TDRKH: variants seen among roughly 807,000 people sequenced by gnomAD.
TDRKH encodes the protein tudor and KH domain-containing protein.
TDRKH carries 28 observed loss-of-function variants against 61.3 expected under a neutral mutation model. That is an observed-to-expected ratio of 0.46 (90% CI 0.34 to 0.63). The LOEUF is 0.63. Ranked by LOEUF, TDRKH falls within the 20% of genes least tolerant of loss-of-function variation. The probability of loss-of-function intolerance (pLI) is 0.01; values close to 1 mark genes in which losing one functional copy is unlikely to be tolerated. For synonymous variants in TDRKH, 219 were observed against 244.4 expected (o/e 0.90, Z 0.97); for missense variants, 540 against 683.4 (o/e 0.79, Z 2.34).
intron 9 of TDRKH, 21 bp downstream of exon 9, chr1:151,775,799 T>C: frequency 6.2e-7 from 1 of 1,611,850 alleles, no homozygotes; most frequent in Non-Finnish European, 8.5e-7. Context: ...GTAAGCTCAA[T>C]AGATGGCATG....
Position 151,774,188 on chromosome 1 carries a change from T to G in TDRKH, c.*264A>C. On this transcript the variant is annotated 3_prime_UTR_variant, in exon 13 of 13. Transcript: ENST00000368824. ...GAAGGACTGCATGGATCCTTTATCATACACTCCTCTCCTCCATGCACCAAT... is the reference window on the plus strand; with the variant it reads ...GAAGGACTGCATGGATCCTTTATCAGACACTCCTCTCCTCCATGCACCAAT... 1 of 489,466 alleles carries G rather than the reference T, an allele frequency of 2.0e-6. No individual in the cohort carries two copies. The allele number at this position is 489,466 out of a possible 1,614,324, so 30.3% of individuals were successfully genotyped here. A position where few individuals can be genotyped will look rare whatever the true frequency, so the allele number is the denominator to read the frequency against.
rs759060949 is a variant in TDRKH, at chr1:151,776,569, T to A, written c.914A>T (p.Asp305Val). ...AGAAACGTAGACTTCTAGGTACTCA[T>A]CAGCATGAAAACTGAAGTCAGGACT... ...IPSPDFSFHA[D>V]EYLEVYVSAS... The change falls in exon 7 of 13, where the codon GAT (aspartate) becomes GTT (valine). Residue 305 changes from aspartate (D) to valine (V), a missense_variant. Asp to Val is a radical substitution (Grantham distance 152, BLOSUM62 -3). Transcript: ENST00000368824. 1 of 1,614,082 alleles carries A rather than the reference T, an allele frequency of 6.2e-7. No individual in the cohort carries two copies. Among genetic ancestry groups the A allele is most frequent in the Admixed American group, 1.7e-5 (1 of 60,010 alleles).
At chr1:151,775,678 T>G in intron 9 of TDRKH, 135 bp from the exon 10 acceptor site, 2 of 1,488,900 alleles carry the variant, frequency 1.3e-6, no homozygotes, top group Non-Finnish European at 1.8e-6. Flanking sequence ...GGCAAGTTTC[T>G]GGCTGCTGCT....
intron 1 of TDRKH, 35 bp from the exon 2 acceptor site, chr1:151,783,084 T>TC: frequency 6.3e-7 from 1 of 1,580,496 alleles, no homozygotes; most frequent in African/African-American, 1.4e-5. Context: ...GAGGGAGGTT[T>TC]CATCCAATCC....
At chr1:151,777,578 T>C (rs1414536263) in intron 6 of TDRKH, among the ~76,000 whole-genome samples, 1 of 152,180 alleles carries the variant, frequency 6.6e-6, no homozygotes, top group Non-Finnish European at 1.5e-5. Flanking sequence ...ATATTTATGT[T>C]TAGTATTAAT....
chr1:151,787,468 C>T (rs1268496842), intron 1 of TDRKH, among the ~76,000 whole-genome samples: 4 of 152,100 alleles, frequency 2.6e-5, no homozygotes, highest in Admixed American at 6.5e-5. Context: ...CCGCCCACCT[C>T]GGCCTCCCAA....
intron 8 of TDRKH, 83 bp from the exon 9 acceptor site, chr1:151,775,967 A>G: frequency 6.3e-7 from 1 of 1,578,872 alleles, no homozygotes. Flanking sequence ...ACCAACTAAC[A>G]TGAGACGATA....
At position 151,775,494 on chromosome 1, in the gene TDRKH, A is replaced by T. The variant is rs11204885; in HGVS notation, c.1332T>A (p.His444Gln). ...CTACCAGAGGCTTCCAGTCAGCACA[A>T]TGAGTGAGTCTATCAAACTCATCCA... ...EALDEFDRLT[H>Q]CADWKPLVAK... is the part of the protein sequence containing the mutation. Residue 444 changes from histidine to glutamine, a missense_variant, in exon 10 of 13, where the codon CAT becomes CAA. His to Gln is a conservative substitution (Grantham distance 24). Around this residue, in one of 3 missense-constraint regions of TDRKH, gnomAD observed 379 missense variants for 443.8 expected, o/e 0.85. Coordinates refer to ENST00000368824, the MANE Select transcript of TDRKH (RefSeq NM_001083965.2). 6.2e-7 allele frequency: 1 copy of T among 1,613,658 alleles called. No homozygotes were observed. The highest frequency in any genetic ancestry group is 2.2e-5 in the East Asian group (1 of 44,868).
downstream of TDRKH, among the ~76,000 whole-genome samples, chr1:151,770,806 CTCATT>C (rs1320411029): frequency 6.6e-6 from 1 of 152,184 alleles, no homozygotes; most frequent in Non-Finnish European, 1.5e-5. Context: ...TCATGAACAT[CTCATT>C]TCATCTTAAA....
chr1:151,776,626 C>T, intron 6 of TDRKH, 27 bp from the exon 7 acceptor site: 1 of 1,608,276 alleles, frequency 6.2e-7, no homozygotes, highest in Non-Finnish European at 8.5e-7. Flanking sequence ...GGATGGTGGC[C>T]ACATCAGACC....
At chr1:151,769,724 G>A (rs1648565827), downstream of TDRKH, among the ~76,000 whole-genome samples, 2 of 152,170 alleles carry the variant, frequency 1.3e-5, no homozygotes, top group Non-Finnish European at 2.9e-5. Context: ...CAAGGCAGGC[G>A]GCTGGGAGGT....
chr1:151,776,107 G>C lies in TDRKH; in HGVS notation c.1206C>G (p.Leu402=), dbSNP rs1275333594. The C allele has an allele frequency of 1.9e-6, 3 of 1,613,410 alleles. No individual in the cohort carries two copies. The East Asian group carries it at 6.7e-5, about 36-fold the overall frequency. Residue 402 remains leucine, a synonymous_variant, in exon 8 of 13, where the codon CTC becomes CTG. Coordinates refer to ENST00000368824, the MANE Select transcript of TDRKH (RefSeq NM_001083965.2). ...ACCTCAGCACTGACCTGAGAGCCCT[G>C]AGGTCCTTCAGTGGGCAATCTCCAT... ...GDNGDCPLKD[L]RALRSDFLSL...
chr1:151,769,787 T>C (rs1409587848), downstream of TDRKH, among the ~76,000 whole-genome samples: 1 of 152,184 alleles, frequency 6.6e-6, no homozygotes, highest in Admixed American at 6.5e-5. Flanking sequence ...TGGGCAACAC[T>C]GAGCACTGAG....
At chr1:151,784,940 T>G (rs578182815) in intron 1 of TDRKH, among the ~76,000 whole-genome samples, 7 of 151,870 alleles carry the variant, frequency 4.6e-5, no homozygotes, top group Admixed American at 1.3e-4. Context: ...TTCGTTTTTT[T>G]TTTTTTTTTT....
In TDRKH at chr1:151,776,341, G is replaced by A. The variant is rs142750798; in HGVS notation, c.1045-73C>T. 772 of 1,593,626 alleles carry A rather than the reference G, an allele frequency of 4.8e-4. 13 individuals carry two copies. The East Asian group carries it at 8.8e-3, about 18-fold the overall frequency. ...CTCATAAACAGAATTGCAGGAGGAA[G>A]AAAGAAAAGTAGTTGCTCCACAGGG... On this transcript the variant is annotated intron_variant, in intron 7 of 12. Coordinates refer to ENST00000368824, the MANE Select transcript of TDRKH (RefSeq NM_001083965.2).
rs1265931909 is a variant in TDRKH, at chr1:151,774,805, G to T, written c.1538C>A (p.Ala513Asp). Residue 513 changes from alanine to aspartate, a missense_variant and splice_region_variant, in exon 12 of 13, where the codon GCC (alanine) becomes GAC (aspartate). Coordinates refer to ENST00000368824, the MANE Select transcript of TDRKH (RefSeq NM_001083965.2). The stretch of plus-strand genomic sequence containing the variant: ...GCTGAGAGAGGCATCTGTTTCTGTG[G>T]CCTGAGTGGATGAAAACAGGAAAAA... ...RAVPDMLKDM[A>D]TETDASLSTL... The T allele has an allele frequency of 1.2e-6, 2 of 1,614,126 alleles. No individual in the cohort carries two copies. Among genetic ancestry groups the T allele is most frequent in the Non-Finnish European group, 1.7e-6 (2 of 1,179,974 alleles).
chr1:151,781,530 T>G lies in TDRKH; in HGVS notation c.182A>C (p.Gln61Pro). 6.2e-7 allele frequency: 1 copy of G among 1,613,578 alleles called. No homozygotes were observed. The highest frequency in any genetic ancestry group is 8.5e-7 in the Non-Finnish European group (1 of 1,179,838). Residue 61 changes from glutamine (Q) to proline (P), a missense_variant, in exon 3 of 13, where the codon CAG becomes CCG. Physicochemically the swap from Gln to Pro is moderately conservative, Grantham distance 76. Coordinates refer to ENST00000368824, the MANE Select transcript of TDRKH (RefSeq NM_001083965.2). Reference sequence around the variant, plus strand: ...GCCAATGATGAGTTTCACAGCCTCCTGGGGAACCCGCATCTCTATCTCAAT... The same window carrying G: ...GCCAATGATGAGTTTCACAGCCTCCGGGGGAACCCGCATCTCTATCTCAAT... ...DDIEIEMRVP[Q>P]EAVKLIIGRQ... is the part of the protein sequence containing the mutation.
intron 2 of TDRKH, among the ~76,000 whole-genome samples, chr1:151,782,425 C>T (rs535759586): frequency 7.3e-5 from 11 of 151,070 alleles, no homozygotes; most frequent in Admixed American, 3.3e-4. Context: ...CCAGTGTGGG[C>T]GACAGAGTGA....
intron 4 of TDRKH, chr1:151,779,719 C>A: frequency 2.1e-6 from 1 of 479,278 alleles, no homozygotes. Flanking sequence ...TATAATACAT[C>A]TACTAGAACC....
Sources: gnomAD v4.1 joint callset for allele counts (sites outside exome capture counted in the v4.1 genomes callset) on GRCh38, gnomAD v4.1.1 for gene constraint, gnomAD v4.1.1 regional missense constraint, MANE v1.5 for transcripts, NCBI Gene and HGNC (gene_info 2026-07-23, HGNC 2026-07-21) for gene names.